ZSCAN1: variants seen among roughly 807,000 people sequenced by gnomAD.
The protein encoded by ZSCAN1 is zinc finger and SCAN domain containing 1.
Under a neutral mutation model 23.8 loss-of-function variants are expected in ZSCAN1, and 23 were observed. The observed-to-expected ratio is 0.97, with a 90% CI of 0.70 to 1.37. ZSCAN1 has a LOEUF of 1.37. Among genes scored for constraint, ZSCAN1 ranks in the 40% most tolerant of loss-of-function variants. ZSCAN1 has a pLI of 0.00. For synonymous variants in ZSCAN1, 236 were observed against 232.3 expected, an observed-to-expected ratio of 1.02 and a Z score of -0.15; for missense variants, 575 against 554.0, an observed-to-expected ratio of 1.04 and a Z score of -0.38.
chr19:58,048,223 T>A (rs1389806396), intron 4 of ZSCAN1, among the ~76,000 whole-genome samples: 1 of 152,262 alleles, frequency 6.6e-6, no homozygotes, highest in African/African-American at 2.4e-5. Context: ...AAGAAGTTTG[T>A]TTTAGATCCT....
Position 58,052,644 on chromosome 19 carries a change from G to T in ZSCAN1, c.604+16G>T, listed in dbSNP as rs2073865691. 6.3e-7 allele frequency: 1 copy of T among 1,577,860 alleles called. No homozygotes were observed. ...GGCTTGCTGGGTGAGTCTGGCTCCT[G>T]TGTGGATTAAGGGTTGGAAATGGAG... On this transcript the variant is annotated intron_variant, in intron 5 of 5. Transcript: ENST00000282326.
chr19:58,041,710 C>T (rs1273481681), intron 4 of ZSCAN1, among the ~76,000 whole-genome samples: 5 of 41,044 alleles, frequency 1.2e-4, no homozygotes, highest in Admixed American at 3.7e-4. Context: ...GGCAAGACCC[C>T]ATGTCTTAAA....
intron 1 of ZSCAN1, among the ~76,000 whole-genome samples, chr19:58,035,002 T>A (rs1345626366): frequency 6.6e-6 from 1 of 151,798 alleles, no homozygotes; most frequent in African/African-American, 2.4e-5. Context: ...CTTCTGCCCA[T>A]CCCCGCAATA....
chr19:58,046,155 G>A, intron 4 of ZSCAN1: 1 of 729,194 alleles, frequency 1.4e-6, no homozygotes, highest in Admixed American at 1.9e-5. Context: ...CTGCCCCCGT[G>A]CTAGAGGGCT....
At chr19:58,056,321 TC>T (rs2073889076), downstream of ZSCAN1, among the ~76,000 whole-genome samples, 1 of 152,166 alleles carries the variant, frequency 6.6e-6, no homozygotes, top group Non-Finnish European at 1.5e-5. Flanking sequence ...TCACTGTGTC[TC>T]CACCTGACTC....
Position 58,045,744 on chromosome 19 carries a change from C to G in ZSCAN1, c.465+5200C>G. On this transcript the variant is annotated intron_variant, in intron 4 of 5. Coordinates refer to ENST00000282326, the MANE Select transcript of ZSCAN1 (RefSeq NM_182572.4). This position sits in a 1 kb window ranked among gnomAD's most constrained non-coding sequence, Gnocchi z 4.3. ...GGGCCCTGGGCGTCAGGGAAAACCA[C>G]CTGAGGGGCCAGCTGAAGCAGTGGC... is the stretch of plus-strand genomic sequence containing the variant. 1 of 1,351,060 alleles carries G rather than the reference C, an allele frequency of 7.4e-7. No homozygotes were observed. Among genetic ancestry groups the G allele is most frequent in the Non-Finnish European group, 1.1e-6 (1 of 941,530 alleles). The allele number at this position is 1,351,060 out of a possible 1,614,324, so 83.7% of individuals were successfully genotyped here.
chr19:58,042,725 C>T (rs1477512400), intron 4 of ZSCAN1, among the ~76,000 whole-genome samples: 1 of 152,152 alleles, frequency 6.6e-6, no homozygotes, highest in East Asian at 1.9e-4. Context: ...CCTCTCCCAT[C>T]CCAGACGCCA....
In ZSCAN1 at chr19:58,053,714, G is replaced by A. The variant is rs2073873869; in HGVS notation, c.890G>A (p.Cys297Tyr). The change falls in exon 6 of 6, where the codon TGT becomes TAT. Residue 297 changes from cysteine (C) to tyrosine (Y), a missense_variant. Transcript: ENST00000282326. This position sits in a 1 kb window ranked among gnomAD's most constrained non-coding sequence, Gnocchi z 5.8. ...RGGRPFQCAD[C>Y]GMVFTWVTHF... Reference sequence around the variant, plus strand: ...GGGCGGCCCTTCCAGTGTGCCGACTGTGGGATGGTCTTCACCTGGGTCACC... The same window carrying A: ...GGGCGGCCCTTCCAGTGTGCCGACTATGGGATGGTCTTCACCTGGGTCACC... 4 of 1,614,024 alleles carry A rather than the reference G, an allele frequency of 2.5e-6. No homozygotes were observed. The highest frequency in any genetic ancestry group is 3.4e-6 in the Non-Finnish European group (4 of 1,180,030).
At chr19:58,050,455 G>T (rs186768724) in intron 4 of ZSCAN1, among the ~76,000 whole-genome samples, 2 of 151,986 alleles carry the variant, frequency 1.3e-5, no homozygotes, top group Admixed American at 1.3e-4. Flanking sequence ...AAATAAAATA[G>T]AGCTATTAAG....
intron 4 of ZSCAN1, chr19:58,046,453 T>C (rs1599905843): frequency 3.6e-6 from 3 of 839,440 alleles, no homozygotes; most frequent in South Asian, 1.3e-5. Context: ...GATGGACCAG[T>C]GGGCCAGCAA....
chr19:58,046,004 G>A (rs2073822734), intron 4 of ZSCAN1: 6 of 705,658 alleles, frequency 8.5e-6, no homozygotes, highest in South Asian at 3.3e-5. Flanking sequence ...TAGGAGCACC[G>A]CGAGAAGGAG....
rs2073768016 is a variant in ZSCAN1, at chr19:58,039,442, A to AGAGCAAGTAT, written c.371-1007_371-998dup. Reference sequence around the variant, plus strand: ...CCATATTTTGAGCCTATGAAACAGTAGAGCAAGTATAATGAACAGCCCTGC... The same window carrying AGAGCAAGTAT: ...CCATATTTTGAGCCTATGAAACAGTAGAGCAAGTATGAGCAAGTATAATGAACAGCCCTGC... On this transcript the variant is annotated intron_variant, in intron 3 of 5. Coordinates refer to ENST00000282326, the MANE Select transcript of ZSCAN1 (RefSeq NM_182572.4). Among the ~76,000 whole-genome samples, 4 of 152,328 alleles carry AGAGCAAGTAT rather than the reference A, an allele frequency of 2.6e-5. No homozygotes were observed. The East Asian group carries it at 7.7e-4, about 29-fold the overall frequency.
At position 58,052,522 on chromosome 19, in the gene ZSCAN1, A is replaced by C. The variant is rs373543521; in HGVS notation, c.498A>C (p.Ala166=). The change falls in exon 5 of 6, where the codon GCA becomes GCC. Residue 166 remains alanine, a synonymous_variant. Transcript: ENST00000282326. The part of the protein sequence containing the change: ...ASELILDAVA[A]APALPEESEW... ...AGCTGATTCTGGATGCAGTGGCAGCAGCCCCAGCACTCCCCGAGGAAAGTG... is the reference window on the plus strand; with the variant it reads ...AGCTGATTCTGGATGCAGTGGCAGCCGCCCCAGCACTCCCCGAGGAAAGTG... The C allele has an allele frequency of 7.0e-5, 113 of 1,614,112 alleles. No individual in the cohort carries two copies. In the East Asian group the frequency reaches 2.4e-3, roughly 34 times the overall value.
intron 5 of ZSCAN1, among the ~76,000 whole-genome samples, 177 bp downstream of exon 5, chr19:58,052,805 T>C (rs549577391): frequency 6.6e-6 from 1 of 152,248 alleles, no homozygotes; most frequent in Admixed American, 6.5e-5. Context: ...AGAACCACCA[T>C]GTACATCGTT....
In ZSCAN1 at chr19:58,040,640, G is replaced by A; in HGVS notation, c.465+96G>A. ...AGGATGCCCCATCCAAGGACTGTGTGAGGTTGTCCCCAGCGCTCCCAGGAA... is the reference window on the plus strand; with the variant it reads ...AGGATGCCCCATCCAAGGACTGTGTAAGGTTGTCCCCAGCGCTCCCAGGAA... On this transcript the variant is annotated intron_variant, in intron 4 of 5. Transcript: ENST00000282326. The surrounding 1 kb of genome is among the most constrained non-coding windows in gnomAD (Gnocchi z 5.8). The A allele has an allele frequency of 7.9e-7, 1 of 1,261,384 alleles. No individual in the cohort carries two copies. The highest frequency in any genetic ancestry group is 1.1e-6 in the Non-Finnish European group (1 of 880,322). 78.1% of individuals were successfully genotyped at this position (1,261,384 alleles called of 1,614,324 possible).
intron 1 of ZSCAN1, among the ~76,000 whole-genome samples, chr19:58,034,844 G>A (rs1347199492): frequency 6.7e-6 from 1 of 148,962 alleles, no homozygotes; most frequent in African/African-American, 2.5e-5. Context: ...TCCCCAGCTC[G>A]TTTATTATGG....
Position 58,045,672 on chromosome 19 carries a change from C to T in ZSCAN1, c.465+5128C>T. ...TGTTTGCTGAGGAAGGGGTGGACAG[C>T]CTGAACGTCAAGGAGCTGCAGGCGG... On this transcript the variant is annotated intron_variant, in intron 4 of 5. Transcript: ENST00000282326. This position sits in a 1 kb window ranked among gnomAD's most constrained non-coding sequence, Gnocchi z 4.3. 1.1e-6 allele frequency: 1 copy of T among 921,916 alleles called. No individual in the cohort carries two copies. Among genetic ancestry groups the T allele is most frequent in the Admixed American group, 1.7e-5 (1 of 57,184 alleles). 57.1% of individuals were successfully genotyped at this position (921,916 alleles called of 1,614,324 possible).
At chr19:58,042,753 C>T (rs2073799129) in intron 4 of ZSCAN1, among the ~76,000 whole-genome samples, 2 of 152,312 alleles carry the variant, frequency 1.3e-5, no homozygotes, top group Admixed American at 6.5e-5. Flanking sequence ...ACCACAGCCG[C>T]GCTCACAGGC....
At chr19:58,044,669 G>A in intron 4 of ZSCAN1, 2 of 810,046 alleles carry the variant, frequency 2.5e-6, no homozygotes, top group African/African-American at 1.7e-5. Flanking sequence ...CGCCCCGCGG[G>A]GTAGTCCGGG....
Sources: gnomAD v4.1 joint callset for allele counts (sites outside exome capture counted in the v4.1 genomes callset) on GRCh38, gnomAD v4.1.1 for gene constraint, Gnocchi (gnomAD v3.1) non-coding constraint, MANE v1.5 for transcripts, NCBI Gene and HGNC (gene_info 2026-07-23, HGNC 2026-07-21) for gene names.